The following AGMO variants were observed in gnomAD, a reference collection of about 807,000 sequenced individuals.
The protein encoded by AGMO is alkylglycerol monooxygenase, also known as glyceryl-ether monooxygenase.
AGMO carries 75 observed loss-of-function variants against 60.2 expected under a neutral mutation model. The ratio of observed to expected loss-of-function variants is 1.25; its 90% confidence interval spans 1.03 to 1.51. AGMO has a LOEUF of 1.51. Ranked by LOEUF, AGMO falls within the 40% of genes most tolerant of loss-of-function variation. The pLI is 0.00. For synonymous variants in AGMO, 261 were observed against 177.1 expected (o/e 1.47, Z -3.76); for missense variants, 763 against 525.5 (o/e 1.45, Z -4.42).
intron 12 of AGMO, among the ~76,000 whole-genome samples, chr7:15,343,174 A>G (rs1034453826): frequency 6.6e-5 from 10 of 152,164 alleles, no homozygotes; most frequent in South Asian, 4.1e-4. Flanking sequence ...GTGTGATAAC[A>G]TATCTCCCCA....
At chr7:15,227,795 C>A (rs1414788732) in intron 12 of AGMO, among the ~76,000 whole-genome samples, 1 of 152,090 alleles carries the variant, frequency 6.6e-6, no homozygotes, top group Non-Finnish European at 1.5e-5. Context: ...CCAGAATCCA[C>A]CCTCTAAACC....
chr7:15,205,192 A>G (rs1781409875), intron 12 of AGMO, among the ~76,000 whole-genome samples: 1 of 152,194 alleles, frequency 6.6e-6, no homozygotes, highest in Non-Finnish European at 1.5e-5. Flanking sequence ...TACTATATTT[A>G]TCAATAAGCA....
In AGMO at chr7:15,544,860, G is replaced by A. The variant is rs1218563735; in HGVS notation, c.321C>T (p.Phe107=). 2.5e-6 allele frequency: 4 copies of A among 1,607,582 alleles called. No homozygotes were observed. Among genetic ancestry groups the A allele is most frequent in the East Asian group, 2.3e-5 (1 of 44,432 alleles). ...TCCATGGAGAATCCCAAGGCAAATT[G>A]AACAGCCTGTAGTTCTCCCAGATAT... ...YIYIWENYRL[F]NLPWDSPWTW... Residue 107 remains phenylalanine (F), a synonymous_variant, in exon 3 of 13, where the codon TTC becomes TTT. Coordinates refer to ENST00000342526, the MANE Select transcript of AGMO (RefSeq NM_001004320.2).
intron 3 of AGMO, among the ~76,000 whole-genome samples, chr7:15,543,898 A>G (rs1784697505): frequency 6.6e-6 from 1 of 151,702 alleles, no homozygotes; most frequent in South Asian, 2.1e-4. Context: ...TTCCATAGTC[A>G]TTGTACTAGT....
intron 3 of AGMO, among the ~76,000 whole-genome samples, chr7:15,486,211 C>T (rs1208626969): frequency 6.6e-6 from 1 of 152,132 alleles, no homozygotes; most frequent in East Asian, 1.9e-4. Context: ...GTATCTAGCT[C>T]TATCAGCAAG....
chr7:15,387,441 T>A lies in AGMO; in HGVS notation c.922A>T (p.Lys308Ter), dbSNP rs1340391725. ...TCTTCACTGAGACCAAGTCTTGGTT[T>A]ACCTGGACCCCATCCCGGTCCCTTA... ...IFKGPGWGPG[K>*]PRLGLSEEIP... The change falls in exon 9 of 13, where the codon AAA (lysine) becomes TAA (stop). Residue 308 changes from lysine to a stop codon, truncating the protein, a stop_gained. Transcript: ENST00000342526. LOFTEE classifies it high-confidence loss of function. 2 of 1,614,048 alleles carry A rather than the reference T, an allele frequency of 1.2e-6. No individual in the cohort carries two copies. The highest frequency in any genetic ancestry group is 1.7e-5 in the Admixed American group (1 of 59,988).
At chr7:15,384,815 CTCTT>C (rs1362813557) in intron 10 of AGMO, among the ~76,000 whole-genome samples, 14 of 60,778 alleles carry the variant, frequency 2.3e-4, no homozygotes, top group South Asian at 1.1e-3. Flanking sequence ...ACCTGTTTTT[CTCTT>C]TTTTTTTTTT....
chr7:15,129,905 T>C, the AGMO span, among the ~76,000 whole-genome samples: 1 of 152,124 alleles, frequency 6.6e-6, no homozygotes, highest in Admixed American at 6.6e-5. Context: ...TAGTGTGTAT[T>C]AAATGCCTGA....
At chr7:15,328,975 G>C (rs1781424479) in intron 12 of AGMO, among the ~76,000 whole-genome samples, 1 of 152,092 alleles carries the variant, frequency 6.6e-6, no homozygotes, top group Admixed American at 6.5e-5. Context: ...TAAAATAGCA[G>C]TATGGTTTGC....
At chr7:15,264,991 T>C (rs948766290) in intron 12 of AGMO, among the ~76,000 whole-genome samples, 3 of 152,128 alleles carry the variant, frequency 2.0e-5, no homozygotes, top group Non-Finnish European at 2.9e-5. Flanking sequence ...CTTACGTTCA[T>C]TGCAGAACTA....
intron 10 of AGMO, among the ~76,000 whole-genome samples, chr7:15,378,999 C>T (rs1246858258): frequency 1.3e-5 from 2 of 151,958 alleles, no homozygotes; most frequent in Non-Finnish European, 2.9e-5. Flanking sequence ...ATAACCTGCT[C>T]CTGAATCACT....
intron 12 of AGMO, among the ~76,000 whole-genome samples, chr7:15,301,835 T>A (rs932336062): frequency 2.6e-5 from 4 of 152,238 alleles, no homozygotes; most frequent in South Asian, 2.1e-4. Context: ...AACAGCTGAA[T>A]AATTTTTTAT....
intron 3 of AGMO, among the ~76,000 whole-genome samples, chr7:15,451,394 G>C (rs1216973697): frequency 6.6e-6 from 1 of 152,032 alleles, no homozygotes; most frequent in African/African-American, 2.4e-5. Flanking sequence ...CAGACTAGTT[G>C]GGCTGCTATA....
chr7:15,215,832 G>C (rs563593536), intron 12 of AGMO, among the ~76,000 whole-genome samples: 1 of 152,118 alleles, frequency 6.6e-6, no homozygotes, highest in African/African-American at 2.4e-5. Context: ...TTGAAATGCA[G>C]TATTATGACA....
intron 3 of AGMO, among the ~76,000 whole-genome samples, chr7:15,477,726 G>C (rs1782634724): frequency 6.6e-6 from 1 of 152,108 alleles, no homozygotes; most frequent in Admixed American, 6.6e-5. Flanking sequence ...TTGATCACCA[G>C]ACACTCAAAA....
At chr7:15,210,000 C>T (rs576208541) in intron 12 of AGMO, among the ~76,000 whole-genome samples, 1 of 152,054 alleles carries the variant, frequency 6.6e-6, no homozygotes, top group Non-Finnish European at 1.5e-5. Flanking sequence ...CAACACCTCA[C>T]ATCTCTTCTA....
intron 12 of AGMO, among the ~76,000 whole-genome samples, chr7:15,343,481 A>G (rs776529198): frequency 4.8e-4 from 73 of 152,180 alleles, no homozygotes; most frequent in Non-Finnish European, 8.7e-4. Flanking sequence ...GAAACAGTTA[A>G]AAGATTTTTT....
At chr7:15,470,399 C>G (rs1324764856) in intron 3 of AGMO, among the ~76,000 whole-genome samples, 1 of 151,812 alleles carries the variant, frequency 6.6e-6, no homozygotes, top group African/African-American at 2.4e-5. Context: ...CTTTTTTCAT[C>G]TTTCTCTTTT....
intron 12 of AGMO, among the ~76,000 whole-genome samples, chr7:15,284,103 G>A (rs544729518): frequency 1.3e-5 from 2 of 152,128 alleles, no homozygotes; most frequent in South Asian, 4.2e-4. Flanking sequence ...AAAGTCTGTA[G>A]TGCTAAATGC....
Sources: gnomAD v4.1 joint callset for allele counts (sites outside exome capture counted in the v4.1 genomes callset) on GRCh38, gnomAD v4.1.1 for gene constraint, MANE v1.5 for transcripts, NCBI Gene and HGNC (gene_info 2026-07-23, HGNC 2026-07-21) for gene names.